PDE1A: variants seen among roughly 807,000 people sequenced by gnomAD.
PDE1A encodes dual specificity calcium/calmodulin-dependent 3',5'-cyclic nucleotide phosphodiesterase 1A.
A neutral mutation model predicts 61.7 loss-of-function variants in PDE1A; 35 were observed. The ratio of observed to expected loss-of-function variants is 0.57; its 90% CI spans 0.43 to 0.75. PDE1A has a LOEUF of 0.75. Ranked by LOEUF, PDE1A falls within the 30% of genes least tolerant of loss-of-function variation. The pLI is 0.00. For synonymous variants in PDE1A, 232 were observed against 213.2 expected (o/e 1.09, Z -0.77); for missense variants, 597 against 630.6 (o/e 0.95, Z 0.57).
chr2:182,142,906 A>G (rs1442892136), downstream of PDE1A: 1 of 152,242 alleles, frequency 6.6e-6, no homozygotes, highest in Non-Finnish European at 1.5e-5. Context: ...TTACTAGCTC[A>G]AAATTTATGT....
chr2:182,558,232 C>CT, the PDE1A span, among the ~76,000 whole-genome samples: 40 of 146,918 alleles, frequency 2.7e-4, no homozygotes, highest in Non-Finnish European at 3.0e-4. Context: ...TTTGACAACT[C>CT]TTTTTTTTTT....
chr2:182,456,298 C>G (rs1213439555), intron 2 of PDE1A, among the ~76,000 whole-genome samples: 1 of 151,968 alleles, frequency 6.6e-6, no homozygotes, highest in Non-Finnish European at 1.5e-5. Context: ...GTGCTAGGGG[C>G]AGCAATACGG....
chr2:182,401,262 G>A (rs898458967), intron 1 of PDE1A, among the ~76,000 whole-genome samples: 5 of 152,158 alleles, frequency 3.3e-5, no homozygotes, highest in Admixed American at 6.5e-5. Flanking sequence ...ACATCGATGC[G>A]AAAATCCTCA....
chr2:182,551,564 G>T, the PDE1A span, among the ~76,000 whole-genome samples: 1 of 152,196 alleles, frequency 6.6e-6, no homozygotes, highest in Non-Finnish European at 1.5e-5. Flanking sequence ...GGAATTAAAA[G>T]CAGCCACCAC....
At chr2:182,587,669 T>G in the PDE1A span, among the ~76,000 whole-genome samples, 1 of 152,276 alleles carries the variant, frequency 6.6e-6, no homozygotes, top group South Asian at 2.1e-4. Flanking sequence ...GCTGATCGGG[T>G]TTAGACAAGT....
At chr2:182,637,966 G>A in the PDE1A span, among the ~76,000 whole-genome samples, 1 of 151,804 alleles carries the variant, frequency 6.6e-6, no homozygotes, top group Non-Finnish European at 1.5e-5. Flanking sequence ...AAAAGACCAC[G>A]GAACTATCAC....
intron 2 of PDE1A, among the ~76,000 whole-genome samples, chr2:182,452,448 C>A (rs1685593523): frequency 6.6e-6 from 1 of 152,126 alleles, no homozygotes; most frequent in South Asian, 2.1e-4. Flanking sequence ...GCTGTCCTAA[C>A]AAAGATTAAA....
At chr2:182,261,810 A>C (rs1017387236) in intron 2 of PDE1A, among the ~76,000 whole-genome samples, 1 of 152,244 alleles carries the variant, frequency 6.6e-6, no homozygotes, top group Non-Finnish European at 1.5e-5. Flanking sequence ...AATGACAGAC[A>C]GGACACTTAG....
intron 13 of PDE1A, among the ~76,000 whole-genome samples, chr2:182,178,071 T>G (rs538713039): frequency 6.6e-6 from 1 of 152,328 alleles, no homozygotes; most frequent in Non-Finnish European, 1.5e-5. Context: ...CAGTGAATCA[T>G]TAGCTGATCT....
At chr2:182,447,696 C>A (rs1032376428) in intron 2 of PDE1A, among the ~76,000 whole-genome samples, 5 of 152,174 alleles carry the variant, frequency 3.3e-5, no homozygotes, top group Middle Eastern at 3.4e-3. Context: ...TCTATCTATA[C>A]TTTCCTATGG....
Position 182,260,933 on chromosome 2 carries a change from C to T in PDE1A, c.167+3368G>A, listed in dbSNP as rs574767973. Among the ~76,000 whole-genome samples the T allele has an allele frequency of 2.0e-5, 3 of 152,246 alleles. No homozygotes were observed. The South Asian group carries it at 6.2e-4, about 32-fold the overall frequency. On this transcript the variant is annotated intron_variant, in intron 2 of 13. Transcript: ENST00000351439. Reference sequence around the variant, plus strand: ...TCCAACTCTTCAACTCCCTGTCTTCCCTTTGGTAAGCTATGTAACTTTTCT... The same window carrying T: ...TCCAACTCTTCAACTCCCTGTCTTCTCTTTGGTAAGCTATGTAACTTTTCT...
chr2:182,353,185 G>T (rs923028155), intron 1 of PDE1A, among the ~76,000 whole-genome samples: 11 of 152,124 alleles, frequency 7.2e-5, no homozygotes, highest in Non-Finnish European at 1.5e-4. Context: ...ATTATGTTCT[G>T]TTTCGTCTGT....
At chr2:182,299,466 C>T (rs1453040771) in intron 1 of PDE1A, among the ~76,000 whole-genome samples, 1 of 145,064 alleles carries the variant, frequency 6.9e-6, no homozygotes, top group Non-Finnish European at 1.5e-5. Context: ...AATGTGGCAT[C>T]CTAGATGAAA....
At chr2:182,600,157 T>C in the PDE1A span, among the ~76,000 whole-genome samples, 1 of 152,220 alleles carries the variant, frequency 6.6e-6, no homozygotes, top group Non-Finnish European at 1.5e-5. Flanking sequence ...TTATAAGAGC[T>C]GATTATTAAA....
chr2:182,516,783 A>AAG (rs1314262287), intron 2 of PDE1A, among the ~76,000 whole-genome samples: 7 of 135,138 alleles, frequency 5.2e-5, no homozygotes, highest in African/African-American at 1.4e-4. Context: ...GAAAGAAAGA[A>AAG]AAAGAAAGAA....
At chr2:182,375,460 G>C (rs1428636226) in intron 1 of PDE1A, among the ~76,000 whole-genome samples, 2 of 152,198 alleles carry the variant, frequency 1.3e-5, no homozygotes, top group African/African-American at 4.8e-5. Context: ...AATCTCCTTT[G>C]ACTCCAGGTC....
intron 2 of PDE1A, among the ~76,000 whole-genome samples, chr2:182,242,995 A>G (rs1448136637): frequency 6.6e-6 from 1 of 151,202 alleles, no homozygotes; most frequent in East Asian, 2.0e-4. Flanking sequence ...TCCATCATTT[A>G]TGAATGCTGC....
chr2:182,506,179 C>T (rs1689400303), intron 2 of PDE1A, among the ~76,000 whole-genome samples: 1 of 152,090 alleles, frequency 6.6e-6, no homozygotes, highest in South Asian at 2.1e-4. Context: ...CTTTTCTTTC[C>T]TTCGTCATTC....
At chr2:182,278,729 G>C (rs562848831) in intron 1 of PDE1A, among the ~76,000 whole-genome samples, 1 of 152,108 alleles carries the variant, frequency 6.6e-6, no homozygotes, top group East Asian at 1.9e-4. Context: ...TGACATTCCA[G>C]AAGGAGCCTT....
Sources: gnomAD v4.1 joint callset for allele counts (sites outside exome capture counted in the v4.1 genomes callset) on GRCh38, gnomAD v4.1.1 for gene constraint, MANE v1.5 for transcripts, NCBI Gene and HGNC (gene_info 2026-07-23, HGNC 2026-07-21) for gene names.